The following MICAL3 variants were observed in gnomAD, a reference collection of about 807,000 sequenced individuals.
MICAL3 encodes [F-actin]-monooxygenase MICAL3.
Under a neutral mutation model 207.4 loss-of-function variants are expected in MICAL3, and 62 were observed. The ratio of observed to expected loss-of-function variants is 0.30; its 90% CI spans 0.24 to 0.37. The LOEUF is 0.37. Ranked by LOEUF, MICAL3 falls within the 10% of genes least tolerant of loss-of-function variation. The probability of loss-of-function intolerance (pLI) is 1.00; values close to 1 mark genes in which losing one functional copy is unlikely to be tolerated. For missense variants in MICAL3, 2,368 were observed against 2,635.6 expected, an observed-to-expected ratio of 0.90 and a Z score of 2.22; for synonymous variants, 1,077 against 1,069.3, an observed-to-expected ratio of 1.01 and a Z score of -0.14.
At chr22:17,913,700 C>T (rs981580202) in intron 1 of MICAL3, among the ~76,000 whole-genome samples, 1 of 152,164 alleles carries the variant, frequency 6.6e-6, no homozygotes, top group African/African-American at 2.4e-5. Flanking sequence ...TATGTTGTAT[C>T]TTTTCTAATT....
At chr22:17,870,864 G>T (rs4819641) in intron 17 of MICAL3, among the ~76,000 whole-genome samples, 1 of 151,976 alleles carries the variant, frequency 6.6e-6, no homozygotes, top group Non-Finnish European at 1.5e-5. Context: ...TCACCTCTCT[G>T]GGCTCCTTCC....
At chr22:17,878,515 C>T (rs1602130796) in intron 16 of MICAL3, among the ~76,000 whole-genome samples, 1 of 152,196 alleles carries the variant, frequency 6.6e-6, no homozygotes, top group East Asian at 1.9e-4. Flanking sequence ...CCTATCGGGT[C>T]CGAGGGGTAA....
chr22:17,795,514 G>A (rs1294935212), intron 29 of MICAL3, among the ~76,000 whole-genome samples: 2 of 152,244 alleles, frequency 1.3e-5, no homozygotes, highest in Non-Finnish European at 2.9e-5. Context: ...ACAAAATACA[G>A]CTTTCAGCTG....
At position 17,902,583 on chromosome 22, in the gene MICAL3, C is replaced by T; in HGVS notation, c.589+48G>A. The T allele has an allele frequency of 8.7e-7, 1 of 1,143,080 alleles. No homozygotes were observed. The highest frequency in any genetic ancestry group is 1.3e-6 in the Non-Finnish European group (1 of 777,140). 70.8% of individuals were successfully genotyped at this position (1,143,080 alleles called of 1,614,324 possible). ...TGCTCCCTCAATCTCATCTTCCTCA[C>T]CCATCAACACCCTCTCACGCCTTCT... is the stretch of plus-strand genomic sequence containing the variant. On this transcript the variant is annotated intron_variant, in intron 4 of 31. Transcript: ENST00000441493. This position sits in a 1 kb window ranked among gnomAD's most constrained non-coding sequence, Gnocchi z 4.5.
chr22:17,896,415 G>A (rs1204196160), intron 8 of MICAL3, 54 bp from the exon 9 acceptor site: 23 of 1,110,368 alleles, frequency 2.1e-5, no homozygotes, highest in Non-Finnish European at 2.9e-5. Flanking sequence ...TTTCAAAATG[G>A]GAAAAATAAA....
chr22:17,979,303 G>A (rs1935797802), intron 1 of MICAL3, among the ~76,000 whole-genome samples: 1 of 152,136 alleles, frequency 6.6e-6, no homozygotes, highest in African/African-American at 2.4e-5. Flanking sequence ...CCAGCACTTT[G>A]GGAGGCCGAG....
chr22:17,942,555 G>GA (rs1423055117), intron 1 of MICAL3, among the ~76,000 whole-genome samples: 6 of 152,242 alleles, frequency 3.9e-5, no homozygotes, highest in African/African-American at 7.2e-5. Flanking sequence ...GTGGCTTTCA[G>GA]ACGCTCAGAG....
At chr22:17,863,767 A>T in intron 19 of MICAL3, 1 of 985,462 alleles carries the variant, frequency 1.0e-6, no homozygotes, top group Non-Finnish European at 1.2e-6. Context: ...CTGTTAGGGA[A>T]GGGAAAGGAT....
At chr22:17,834,825 C>T (rs1466253331) in intron 20 of MICAL3, among the ~76,000 whole-genome samples, 2 of 152,232 alleles carry the variant, frequency 1.3e-5, no homozygotes, top group South Asian at 2.1e-4. Context: ...TAATGAACAA[C>T]AATACATAAC....
At chr22:17,969,684 T>A (rs1935314245) in intron 1 of MICAL3, among the ~76,000 whole-genome samples, 1 of 152,192 alleles carries the variant, frequency 6.6e-6, no homozygotes, top group African/African-American at 2.4e-5. Context: ...TTTTGGGACT[T>A]TGGAGGTATT....
chr22:17,858,103 G>A (rs988833637), intron 19 of MICAL3, among the ~76,000 whole-genome samples: 1 of 152,234 alleles, frequency 6.6e-6, no homozygotes, highest in African/African-American at 2.4e-5. Flanking sequence ...GTAATTGATG[G>A]AGAGTCCCAT....
intron 28 of MICAL3, among the ~76,000 whole-genome samples, chr22:17,809,364 G>C (rs766531946): frequency 1.3e-5 from 2 of 152,206 alleles, no homozygotes; most frequent in Non-Finnish European, 2.9e-5. Context: ...GGCCAGGCAC[G>C]GTGGCTCATC....
chr22:17,987,593 C>G (rs889539595), intron 1 of MICAL3, among the ~76,000 whole-genome samples: 2 of 152,224 alleles, frequency 1.3e-5, no homozygotes, highest in African/African-American at 4.8e-5. Context: ...CTGTATGGAA[C>G]AGCTGCCACG....
chr22:17,849,981 G>A (rs945017454), intron 19 of MICAL3, among the ~76,000 whole-genome samples: 9 of 151,986 alleles, frequency 5.9e-5, no homozygotes, highest in East Asian at 1.9e-4. Flanking sequence ...GTGAGCCACC[G>A]CGCCCAGTCC....
chr22:17,791,891 C>CATGCGG (rs1460967141), intron 29 of MICAL3, among the ~76,000 whole-genome samples: 3 of 152,244 alleles, frequency 2.0e-5, no homozygotes, highest in Non-Finnish European at 4.4e-5. Flanking sequence ...CGCTGGATCC[C>CATGCGG]GCATGGTCGA....
In MICAL3 at chr22:17,817,594, G is replaced by A. The variant is rs376971611; in HGVS notation, c.5067C>T (p.Ser1689=). The A allele has an allele frequency of 1.1e-5, 17 of 1,613,250 alleles. No homozygotes were observed. The highest frequency in any genetic ancestry group is 6.7e-5 in the African/African-American group (5 of 74,998). The change falls in exon 26 of 32, where the codon TCC becomes TCT. Residue 1689 remains serine (S), a synonymous_variant. Coordinates refer to ENST00000441493, the MANE Select transcript of MICAL3 (RefSeq NM_015241.3). The part of the protein sequence containing the change: ...SGGPDGSFTS[S]EGSSGKSKKR... ...TCTTGCTCTTCCCACTGGAGCCCTC[G>A]GATGAAGTGAAAGAGCCATCTGGGC...
intron 1 of MICAL3, among the ~76,000 whole-genome samples, chr22:17,968,427 G>A (rs1012364337): frequency 2.0e-5 from 3 of 152,138 alleles, no homozygotes; most frequent in Non-Finnish European, 2.9e-5. Context: ...AAGAGCTGAG[G>A]CGCCAGAGCT....
chr22:17,991,130 G>T (rs1397031432), intron 1 of MICAL3, among the ~76,000 whole-genome samples: 1 of 152,218 alleles, frequency 6.6e-6, no homozygotes, highest in Non-Finnish European at 1.5e-5. Context: ...GCCAGGACGT[G>T]CCACAACTGA....
intron 1 of MICAL3, among the ~76,000 whole-genome samples, chr22:17,921,253 G>A (rs1324874017): frequency 6.6e-6 from 1 of 152,178 alleles, no homozygotes; most frequent in African/African-American, 2.4e-5. Flanking sequence ...TCAAAGGCAT[G>A]AATGACTATT....
Sources: gnomAD v4.1 joint callset for allele counts (sites outside exome capture counted in the v4.1 genomes callset) on GRCh38, gnomAD v4.1.1 for gene constraint, Gnocchi (gnomAD v3.1) non-coding constraint, MANE v1.5 for transcripts, NCBI Gene and HGNC (gene_info 2026-07-23, HGNC 2026-07-21) for gene names.